KNTC1: variants seen among roughly 807,000 people sequenced by gnomAD.
KNTC1 encodes the protein kinetochore associated 1.
A neutral mutation model predicts 314.4 loss-of-function variants in KNTC1; 253 were observed. The observed-to-expected ratio is 0.80, with a 90% CI of 0.73 to 0.89. KNTC1 has a LOEUF of 0.89. KNTC1 is among the 40% of genes least tolerant of loss of function. KNTC1 has a pLI of 0.00. For missense variants in KNTC1, 2,475 were observed against 2,572.9 expected (o/e 0.96, Z 0.82); for synonymous variants, 901 against 901.4 (o/e 1.00, Z 0.01).
chr12:122,579,016 G>A (rs1408638368), intron 31 of KNTC1, among the ~76,000 whole-genome samples: 1 of 114,602 alleles, frequency 8.7e-6, no homozygotes, highest in Non-Finnish European at 1.8e-5. Context: ...TAATACCATA[G>A]TCTGTATTCT....
chr12:122,624,761 C>A, intron 63 of KNTC1, 73 bp downstream of exon 63: 1 of 1,015,536 alleles, frequency 9.8e-7, no homozygotes, highest in South Asian at 1.3e-5. Context: ...AATTGACAAG[C>A]CTTTTCTAGT....
intron 59 of KNTC1, among the ~76,000 whole-genome samples, chr12:122,619,887 G>T (rs1207511510): frequency 6.6e-6 from 1 of 152,004 alleles, no homozygotes; most frequent in African/African-American, 2.4e-5. Context: ...TGAGTCTTCT[G>T]GCTGGGTGCG....
In KNTC1 at chr12:122,556,917, CTTTTTTTTTT is replaced by C. The variant is rs35101646; in HGVS notation, c.1273-453_1273-444del. 6.8e-5 allele frequency among the ~76,000 whole-genome samples: 6 copies of C among 88,296 alleles called. No homozygotes were observed. The East Asian group carries it at 1.3e-3, about 20-fold the overall frequency. 57.9% of individuals were successfully genotyped at this position (88,296 alleles called of 152,430 possible). A position where few individuals can be genotyped will look rare whatever the true frequency, so the allele number is the denominator to read the frequency against. ...TTGTTGGAAATGACAAATTTTCCCT[CTTTTTTTTTT>C]TTTTTTTTTTTTTAAATAGGGTCTT... is the stretch of plus-strand genomic sequence containing the variant. On this transcript the variant is annotated intron_variant, in intron 16 of 63. Transcript: ENST00000333479.
intron 33 of KNTC1, 60 bp from the exon 34 acceptor site, chr12:122,582,645 A>G: frequency 2.8e-6 from 4 of 1,414,644 alleles, no homozygotes; most frequent in Non-Finnish European, 3.8e-6. Flanking sequence ...AATGAAAATG[A>G]TTATTTTAAA....
intron 16 of KNTC1, among the ~76,000 whole-genome samples, chr12:122,554,079 A>ATATG: frequency 8.5e-6 from 1 of 118,330 alleles, no homozygotes; most frequent in Non-Finnish European, 1.7e-5. Context: ...AAAAAAAAAT[A>ATATG]TATATATATA....
At chr12:122,543,578 C>T in intron 6 of KNTC1, 22 bp from the exon 7 acceptor site, 1 of 1,518,694 alleles carries the variant, frequency 6.6e-7, no homozygotes, top group East Asian at 2.4e-5. Flanking sequence ...ATACATTTAG[C>T]CTGCTTTCTT....
chr12:122,576,463 G>A (rs549617972), intron 29 of KNTC1, among the ~76,000 whole-genome samples: 20 of 152,298 alleles, frequency 1.3e-4, no homozygotes, highest in Admixed American at 3.3e-4. Flanking sequence ...GGTGGATCAT[G>A]AGGTCAAGAG....
At position 122,620,461 on chromosome 12, in the gene KNTC1, T is replaced by C. The variant is rs764979090; in HGVS notation, c.6150-18T>C. 3 of 1,607,230 alleles carry C rather than the reference T, an allele frequency of 1.9e-6. No individual in the cohort carries two copies. The East Asian group carries it at 6.7e-5, about 36-fold the overall frequency. On this transcript the variant is annotated intron_variant, in intron 59 of 63. Coordinates refer to ENST00000333479, the MANE Select transcript of KNTC1 (RefSeq NM_014708.6). ...TGAATCTGCCAGATTATTAACTAATTAATGTTCTCTCTCGAAGATGTCCAG... is the reference window on the plus strand; with the variant it reads ...TGAATCTGCCAGATTATTAACTAATCAATGTTCTCTCTCGAAGATGTCCAG...
intron 16 of KNTC1, among the ~76,000 whole-genome samples, chr12:122,555,878 T>G (rs1312952980): frequency 1.3e-5 from 2 of 152,068 alleles, no homozygotes; most frequent in East Asian, 3.9e-4. Context: ...AAAACAAGAA[T>G]GATTGTATAT....
intron 57 of KNTC1, among the ~76,000 whole-genome samples, chr12:122,616,560 C>T (rs989797154): frequency 2.0e-5 from 3 of 152,118 alleles, no homozygotes; most frequent in Admixed American, 2.0e-4. Context: ...CGCACCCGGC[C>T]GAGATTTCCT....
intron 16 of KNTC1, among the ~76,000 whole-genome samples, chr12:122,554,994 A>C (rs1963480884): frequency 6.8e-6 from 1 of 148,098 alleles, no homozygotes; most frequent in South Asian, 2.4e-4. Context: ...GCAGTGAGCT[A>C]TGATTACACC....
In KNTC1 at chr12:122,602,841, G is replaced by A. The variant is rs776756136; in HGVS notation, c.4838G>A (p.Ser1613Asn). The A allele has an allele frequency of 6.2e-7, 1 of 1,612,956 alleles. No individual in the cohort carries two copies. The highest frequency in any genetic ancestry group is 8.5e-7 in the Non-Finnish European group (1 of 1,179,144). Residue 1613 changes from serine (S) to asparagine (N), a missense_variant, in exon 47 of 64, where the codon AGT becomes AAT. Coordinates refer to ENST00000333479, the MANE Select transcript of KNTC1 (RefSeq NM_014708.6). ...GTTTCCTTTCTAGCTACAGAACTCA[G>A]TGAAGAATCTTTCCCAACATTGCTC... is the stretch of plus-strand genomic sequence containing the variant. ...NFWKILSTEL[S>N]EESFPTLLLI... is the part of the protein sequence containing the mutation.
chr12:122,612,071 G>T (rs1158300958), intron 53 of KNTC1, among the ~76,000 whole-genome samples: 8 of 143,314 alleles, frequency 5.6e-5, no homozygotes, highest in Admixed American at 7.0e-5. Context: ...TTTTTTTTGT[G>T]TTTTTTTTTT....
chr12:122,581,488 C>T (rs997386396), intron 33 of KNTC1, among the ~76,000 whole-genome samples: 3 of 149,824 alleles, frequency 2.0e-5, no homozygotes, highest in African/African-American at 7.4e-5. Flanking sequence ...TGTGAGCCAC[C>T]GCGCCTGGCC....
intron 8 of KNTC1, among the ~76,000 whole-genome samples, chr12:122,545,045 G>A (rs1016812820): frequency 1.3e-5 from 2 of 152,144 alleles, no homozygotes; most frequent in Non-Finnish European, 2.9e-5. Flanking sequence ...CCATTGGCAT[G>A]TATACATTGC....
chr12:122,555,665 C>T (rs560758868), intron 16 of KNTC1, among the ~76,000 whole-genome samples: 24 of 152,156 alleles, frequency 1.6e-4, no homozygotes, highest in African/African-American at 4.6e-4. Context: ...CTGGCTAACA[C>T]GATGAAACTC....
chr12:122,574,507 C>A, intron 27 of KNTC1, 127 bp downstream of exon 27: 1 of 610,788 alleles, frequency 1.6e-6, no homozygotes. Context: ...GTCGCCCAGG[C>A]TGGAATGCAG....
chr12:122,539,623 T>G, intron 4 of KNTC1, 53 bp from the exon 5 acceptor site: 1 of 1,215,534 alleles, frequency 8.2e-7, no homozygotes, highest in Non-Finnish European at 1.2e-6. Context: ...ATAAAATCCT[T>G]GATTGTATTT....
chr12:122,543,985 GT>G (rs1236284194), intron 7 of KNTC1, among the ~76,000 whole-genome samples, 173 bp from the exon 8 acceptor site: 4 of 150,808 alleles, frequency 2.7e-5, no homozygotes, highest in African/African-American at 9.8e-5. Context: ...GGAGGCAGAG[GT>G]TGTGGTGAGC....
Sources: gnomAD v4.1 joint callset for allele counts (sites outside exome capture counted in the v4.1 genomes callset) on GRCh38, gnomAD v4.1.1 for gene constraint, MANE v1.5 for transcripts, NCBI Gene and HGNC (gene_info 2026-07-23, HGNC 2026-07-21) for gene names.